Variants in PDK1 observed in about 807,000 individuals in gnomAD.
PDK1 encodes pyruvate dehydrogenase kinase 1.
Under a neutral mutation model 54.2 loss-of-function variants are expected in PDK1, and 39 were observed. That is an observed-to-expected ratio of 0.72 (90% CI 0.56 to 0.94). PDK1 has a LOEUF of 0.94. Among genes scored for constraint, PDK1 ranks in the 40% least tolerant of loss-of-function variants. The probability of loss-of-function intolerance (pLI) is 0.00; values close to 1 mark genes in which losing one functional copy is unlikely to be tolerated. For synonymous variants in PDK1, 221 were observed against 207.1 expected (o/e 1.07, Z -0.58); for missense variants, 552 against 566.0 (o/e 0.98, Z 0.25).
At chr2:172,671,365 A>G in the PDK1 span, among the ~76,000 whole-genome samples, 1 of 151,246 alleles carries the variant, frequency 6.6e-6, no homozygotes, top group Admixed American at 6.6e-5. Flanking sequence ...TTATATGAAT[A>G]AATAATATAT....
intron 8 of PDK1, among the ~76,000 whole-genome samples, chr2:172,574,141 T>C (rs968615533): frequency 5.9e-5 from 9 of 152,236 alleles, no homozygotes; most frequent in Non-Finnish European, 1.0e-4. Context: ...CTTCATTCTT[T>C]TGCATGTGGA....
Position 172,564,561 on chromosome 2 carries a change from G to GC in PDK1, c.472dup (p.Gln158ProfsTer5). 6.2e-7 allele frequency: 1 copy of GC among 1,614,018 alleles called. No homozygotes were observed. Among genetic ancestry groups the GC allele is most frequent in the Non-Finnish European group, 8.5e-7 (1 of 1,179,904 alleles). On this transcript the variant is annotated frameshift_variant, in exon 4 of 11. Transcript: ENST00000282077. LOFTEE classifies it high-confidence loss of function. ...ACACAATGATGTCATTCCCACAATG[G>GC]CCCAGGGTGTGATTGAATACAAGGA...
chr2:172,586,004 A>G (rs1303315191), intron 8 of PDK1, among the ~76,000 whole-genome samples: 1 of 151,922 alleles, frequency 6.6e-6, no homozygotes, highest in African/African-American at 2.4e-5. Context: ...CCTCTACTAA[A>G]AAAAATTAGC....
chr2:172,662,413 G>C, the PDK1 span, among the ~76,000 whole-genome samples: 3 of 151,744 alleles, frequency 2.0e-5, no homozygotes, highest in Non-Finnish European at 4.4e-5. Context: ...TCTCCACCAA[G>C]AGATAACATG....
Position 172,556,359 on chromosome 2 carries a change from CG to C in PDK1, c.196+16del. ...TTCCTGGACTTCGGTGAGTGCGGCC[CG>C]GGACCTTGGGCCTTTTTGCGCGGTC... On this transcript the variant is annotated intron_variant, in intron 1 of 10. Transcript: ENST00000282077. 7.0e-7 allele frequency: 1 copy of C among 1,419,682 alleles called. No individual in the cohort carries two copies. 87.9% of individuals were successfully genotyped at this position (1,419,682 alleles called of 1,614,324 possible).
chr2:172,711,215 G>A, the PDK1 span, among the ~76,000 whole-genome samples: 1 of 152,178 alleles, frequency 6.6e-6, no homozygotes, highest in African/African-American at 2.4e-5. Context: ...ACATAAAGAT[G>A]TCTCTTGTGA....
the PDK1 span, among the ~76,000 whole-genome samples, chr2:172,656,902 G>C: frequency 6.6e-6 from 1 of 152,316 alleles, no homozygotes; most frequent in South Asian, 2.1e-4. Flanking sequence ...GAGACTCTTG[G>C]AGGTAAGACT....
the PDK1 span, among the ~76,000 whole-genome samples, chr2:172,701,658 T>G: frequency 1.3e-5 from 2 of 151,086 alleles, no homozygotes; most frequent in African/African-American, 4.9e-5. Flanking sequence ...GTTTTTTTTT[T>G]TTTTTGGAAC....
In PDK1 at chr2:172,600,684, T is replaced by C. The variant is rs1691083176; in HGVS notation, c.*4715T>C. ...AATGTCAGGGTTTTTATAAATGGGC[T>C]AGTGAGGAGGGGGCTCATGAGGAGG... On this transcript the variant is annotated 3_prime_UTR_variant, in exon 11 of 11. Transcript: ENST00000282077. 6.6e-6 allele frequency: 1 copy of C among 152,250 alleles called. No homozygotes were observed. The highest frequency in any genetic ancestry group is 1.5e-5 in the Non-Finnish European group (1 of 68,112). 9.4% of individuals were successfully genotyped at this position (152,250 alleles called of 1,614,324 possible). A position where few individuals can be genotyped will look rare whatever the true frequency, so the allele number is the denominator to read the frequency against.
chr2:172,625,224 C>A, the PDK1 span, among the ~76,000 whole-genome samples: 1 of 152,072 alleles, frequency 6.6e-6, no homozygotes, highest in Admixed American at 6.6e-5. Flanking sequence ...ATACAGTAGC[C>A]CACCATATGA....
At chr2:172,612,660 T>C (rs963195630), downstream of PDK1, among the ~76,000 whole-genome samples, 2 of 152,196 alleles carry the variant, frequency 1.3e-5, no homozygotes, top group East Asian at 3.9e-4. Context: ...TGAAAGAAAA[T>C]GCTACCAGTA....
chr2:172,585,367 C>T (rs1426411962), intron 8 of PDK1, among the ~76,000 whole-genome samples: 1 of 140,482 alleles, frequency 7.1e-6, no homozygotes, highest in Non-Finnish European at 1.5e-5. Context: ...GCTCTGTCAC[C>T]CACGCTGGAG....
chr2:172,561,657 G>T (rs1054859749), intron 2 of PDK1, among the ~76,000 whole-genome samples: 3 of 152,208 alleles, frequency 2.0e-5, no homozygotes, highest in African/African-American at 7.2e-5. Context: ...CGAATTGTTA[G>T]ATAAATTTAA....
the PDK1 span, among the ~76,000 whole-genome samples, chr2:172,687,032 A>G: frequency 2.0e-5 from 3 of 152,206 alleles, no homozygotes; most frequent in African/African-American, 4.8e-5. Flanking sequence ...CACTTTTTGT[A>G]TGGTTGAGCT....
intron 8 of PDK1, among the ~76,000 whole-genome samples, chr2:172,577,515 A>G (rs985301138): frequency 1.3e-5 from 2 of 151,972 alleles, no homozygotes; most frequent in East Asian, 3.9e-4. Context: ...ATTTTTTATT[A>G]TTTCTCCATT....
chr2:172,712,051 A>G, the PDK1 span, among the ~76,000 whole-genome samples: 3 of 152,016 alleles, frequency 2.0e-5, no homozygotes, highest in African/African-American at 7.2e-5. Context: ...TTATTTGCAT[A>G]TAGAGTCATA....
At chr2:172,715,845 C>A in the PDK1 span, among the ~76,000 whole-genome samples, 2 of 152,226 alleles carry the variant, frequency 1.3e-5, no homozygotes, top group African/African-American at 2.4e-5. Flanking sequence ...TTTTAAGATA[C>A]TTTGAAGGGC....
chr2:172,666,357 CA>C, the PDK1 span, among the ~76,000 whole-genome samples: 52 of 152,164 alleles, frequency 3.4e-4, 1 homozygote, highest in Non-Finnish European at 5.6e-4. Context: ...TTTTCAGTGC[CA>C]CAAATAAATA....
At chr2:172,564,904 A>G in intron 4 of PDK1, 74 bp from the exon 5 acceptor site, 1 of 1,063,132 alleles carries the variant, frequency 9.4e-7, no homozygotes. Flanking sequence ...GGTACAATTT[A>G]AACAGTATTC....
Sources: gnomAD v4.1 joint callset for allele counts (sites outside exome capture counted in the v4.1 genomes callset) on GRCh38, gnomAD v4.1.1 for gene constraint, MANE v1.5 for transcripts, NCBI Gene and HGNC (gene_info 2026-07-23, HGNC 2026-07-21) for gene names.